The following SPTLC2 variants were observed in gnomAD, a reference collection of about 807,000 sequenced individuals.
The protein encoded by SPTLC2 is serine palmitoyltransferase 2.
A neutral mutation model predicts 62.0 loss-of-function variants in SPTLC2; 21 were observed. The ratio of observed to expected loss-of-function variants is 0.34; its 90% CI spans 0.24 to 0.49. SPTLC2 has a LOEUF of 0.49. Among genes scored for constraint, SPTLC2 ranks in the 20% least tolerant of loss-of-function variants. The pLI is 0.99. For synonymous variants in SPTLC2, 261 were observed against 261.8 expected (o/e 1.00, Z 0.03); for missense variants, 511 against 713.0 (o/e 0.72, Z 3.23).
Position 77,535,552 on chromosome 14 carries a change from T to C in SPTLC2, c.1304-13971A>G, listed in dbSNP as rs184391091. 2.0e-3 allele frequency: 322 copies of C among 160,100 alleles called. 3 individuals are homozygous for C. Among genetic ancestry groups the C allele is most frequent in the Admixed American group, 3.5e-3 (54 of 15,592 alleles). The allele number at this position is 160,100 out of a possible 1,614,324, so 9.9% of individuals were successfully genotyped here. ...GAACACAGTAGCAAGTGGTAGAAAGTGGACTGAGGATACATTTAGAAGGCA... is the reference window on the plus strand; with the variant it reads ...GAACACAGTAGCAAGTGGTAGAAAGCGGACTGAGGATACATTTAGAAGGCA... On this transcript the variant is annotated intron_variant, in intron 9 of 11. Coordinates refer to ENST00000216484, the MANE Select transcript of SPTLC2 (RefSeq NM_004863.4).
In SPTLC2 at chr14:77,529,620, C is replaced by CTTTCTTTTTTTTT. The variant is rs1555373703; in HGVS notation, c.1304-8040_1304-8039insAAAAAAAAAGAAA. 5.8e-4 allele frequency among the ~76,000 whole-genome samples: 44 copies of CTTTCTTTTTTTTT among 76,054 alleles called. 3 individuals are homozygous for CTTTCTTTTTTTTT. Among genetic ancestry groups the CTTTCTTTTTTTTT allele is most frequent in the Non-Finnish European group, 8.4e-4 (31 of 36,818 alleles). 49.9% of individuals were successfully genotyped at this position (76,054 alleles called of 152,430 possible). A position where few individuals can be genotyped will look rare whatever the true frequency, so the allele number is the denominator to read the frequency against. On this transcript the variant is annotated intron_variant, in intron 9 of 11. Coordinates refer to ENST00000216484, the MANE Select transcript of SPTLC2 (RefSeq NM_004863.4). ...TTCTAGGAAAGCAATTTCTTTCTTT[C>CTTTCTTTTTTTTT]TTTTTTTTTTTTTTTTTTTTTTGAG...
chr14:77,598,483 T>C lies in SPTLC2; in HGVS notation c.133-1103A>G, dbSNP rs1595014141. The stretch of plus-strand genomic sequence containing the variant: ...GCTTTATTAGAATGTAAAATATTTG[T>C]AAATGTTTTACTACCACACATTCTT... On this transcript the variant is annotated intron_variant, in intron 1 of 11. Transcript: ENST00000216484. 2.6e-5 allele frequency among the ~76,000 whole-genome samples: 4 copies of C among 152,360 alleles called. No homozygotes were observed. In the South Asian group the frequency reaches 8.3e-4, roughly 32 times the overall value.
intron 2 of SPTLC2, among the ~76,000 whole-genome samples, chr14:77,586,384 AT>A (rs1006101750): frequency 2.6e-5 from 4 of 152,076 alleles, no homozygotes; most frequent in African/African-American, 7.2e-5. Context: ...CCAAAAAATA[AT>A]TTTTTTAAAG....
At chr14:77,556,216 G>A (rs9323647) in intron 7 of SPTLC2, among the ~76,000 whole-genome samples, 25,476 of 151,780 alleles carry the variant, frequency 0.17, 2,396 homozygotes, top group African/African-American at 0.26. Flanking sequence ...CCAGCTACTC[G>A]GGAGGCTAAG....
chr14:77,586,948 G>A (rs1434730147), intron 2 of SPTLC2, among the ~76,000 whole-genome samples: 1 of 152,176 alleles, frequency 6.6e-6, no homozygotes, highest in Non-Finnish European at 1.5e-5. Context: ...ATTCTTGGCC[G>A]GGCGCAGTGG....
At chr14:77,571,008 C>T (rs2079679256) in intron 4 of SPTLC2, among the ~76,000 whole-genome samples, 1 of 152,128 alleles carries the variant, frequency 6.6e-6, no homozygotes, top group Non-Finnish European at 1.5e-5. Flanking sequence ...CAGCCCTTAG[C>T]CCTTCCTGCC....
At chr14:77,594,906 T>C (rs1219294145) in intron 2 of SPTLC2, among the ~76,000 whole-genome samples, 13 of 152,198 alleles carry the variant, frequency 8.5e-5, no homozygotes, top group Non-Finnish European at 1.5e-5. Context: ...ATAACTGCCA[T>C]CAACTCAGTC....
chr14:77,609,017 C>T (rs2079920744), intron 1 of SPTLC2, among the ~76,000 whole-genome samples: 1 of 151,260 alleles, frequency 6.6e-6, no homozygotes, highest in African/African-American at 2.4e-5. Flanking sequence ...TCAGAAAGCC[C>T]GGATTGGCTA....
intron 9 of SPTLC2, among the ~76,000 whole-genome samples, chr14:77,545,104 A>AT: frequency 6.6e-6 from 1 of 152,080 alleles, no homozygotes; most frequent in East Asian, 1.9e-4. Flanking sequence ...GACAGGAATA[A>AT]TTTTTTCTTT....
intron 9 of SPTLC2, among the ~76,000 whole-genome samples, chr14:77,543,738 A>G (rs554487405): frequency 1.9e-4 from 29 of 152,286 alleles, no homozygotes; most frequent in African/African-American, 6.3e-4. Context: ...TTCCTGCTGC[A>G]CCTAACTGGT....
chr14:77,507,122 A>T lies in SPTLC2; in HGVS notation c.*5162T>A, dbSNP rs1241105099. The T allele has an allele frequency of 6.6e-6, 1 of 152,214 alleles. No individual in the cohort carries two copies. The highest frequency in any genetic ancestry group is 1.5e-5 in the Non-Finnish European group (1 of 68,040). The allele number at this position is 152,214 out of a possible 1,614,324, so 9.4% of individuals were successfully genotyped here. A position where few individuals can be genotyped will look rare whatever the true frequency, so the allele number is the denominator to read the frequency against. On this transcript the variant is annotated 3_prime_UTR_variant, in exon 12 of 12. Coordinates refer to ENST00000216484, the MANE Select transcript of SPTLC2 (RefSeq NM_004863.4). ...AAAAAACATTTCTATTAGGGTCTTA[A>T]CCTAGCCCCTTTGGTTTCCTCCCTA...
intron 6 of SPTLC2, among the ~76,000 whole-genome samples, chr14:77,561,597 C>T (rs1262212211): frequency 1.4e-5 from 2 of 147,388 alleles, no homozygotes; most frequent in Admixed American, 6.8e-5. Context: ...GGTGACAGAG[C>T]GAGACTCTAG....
intron 10 of SPTLC2, 40 bp downstream of exon 10, chr14:77,521,406 G>A: frequency 6.2e-7 from 1 of 1,613,776 alleles, no homozygotes; most frequent in Non-Finnish European, 8.5e-7. Flanking sequence ...CACAGATAAG[G>A]ATAAGGACAG....
chr14:77,536,649 G>C (rs1003248475), intron 9 of SPTLC2, among the ~76,000 whole-genome samples: 1 of 151,734 alleles, frequency 6.6e-6, no homozygotes. Context: ...TGGGAGGTGG[G>C]TCAAGTAATA....
rs550752768 is a variant in SPTLC2 at position 77,509,544 on chromosome 14, G to A, written c.*2740C>T. On this transcript the variant is annotated 3_prime_UTR_variant, in exon 12 of 12. Coordinates refer to ENST00000216484, the MANE Select transcript of SPTLC2 (RefSeq NM_004863.4). ...TCAGTTTTGGTAGTCATGGTTAACCGGTATCTGTTTGAATCCTATCAGAGT... is the reference window on the plus strand; with the variant it reads ...TCAGTTTTGGTAGTCATGGTTAACCAGTATCTGTTTGAATCCTATCAGAGT... 41 of 220,580 alleles carry A rather than the reference G, an allele frequency of 1.9e-4. No individual in the cohort carries two copies. Among genetic ancestry groups the A allele is most frequent in the African/African-American group, 7.9e-4 (35 of 44,270 alleles). 13.7% of individuals were successfully genotyped at this position (220,580 alleles called of 1,614,324 possible).
chr14:77,527,665 CCAT>C (rs2139998650), intron 9 of SPTLC2, among the ~76,000 whole-genome samples: 1 of 152,224 alleles, frequency 6.6e-6, no homozygotes, highest in South Asian at 2.1e-4. Context: ...GAAATAAACT[CCAT>C]AAGCCCTCCT....
intron 2 of SPTLC2, among the ~76,000 whole-genome samples, chr14:77,583,426 T>C (rs2079764340): frequency 1.3e-5 from 2 of 152,050 alleles, no homozygotes. Context: ...GGGTAATCTT[T>C]TCATTCATTC....
At chr14:77,557,683 G>A (rs923465639) in intron 6 of SPTLC2, among the ~76,000 whole-genome samples, 1 of 152,132 alleles carries the variant, frequency 6.6e-6, no homozygotes, top group Non-Finnish European at 1.5e-5. Flanking sequence ...TTTTATTTTG[G>A]TACTGGGTTA....
At chr14:77,531,420 T>TTTCTTCTTCTTCTTC (rs145629888) in intron 9 of SPTLC2, among the ~76,000 whole-genome samples, 1,957 of 129,718 alleles carry the variant, frequency 0.015, 116 homozygotes, top group African/African-American at 0.063. Context: ...GGACCATGAC[T>TTTCTTCTTCTTCTTC]TTCTTCTTCT....
Sources: gnomAD v4.1 joint callset for allele counts (sites outside exome capture counted in the v4.1 genomes callset) on GRCh38, gnomAD v4.1.1 for gene constraint, MANE v1.5 for transcripts, NCBI Gene and HGNC (gene_info 2026-07-23, HGNC 2026-07-21) for gene names.